ACVR1: variants seen among roughly 807,000 people sequenced by gnomAD.
The protein encoded by ACVR1 is activin receptor type-1.
Under a neutral mutation model 57.1 loss-of-function variants are expected in ACVR1, and 38 were observed. The observed-to-expected ratio is 0.67, with a 90% CI of 0.51 to 0.87. The LOEUF (loss-of-function observed/expected upper bound fraction) is 0.87, where lower values mean the gene tolerates loss of function less well. Ranked by LOEUF, ACVR1 falls within the 40% of genes least tolerant of loss-of-function variation. The pLI is 0.00. For missense variants in ACVR1, 463 were observed against 638.2 expected (o/e 0.73, Z 2.96); for synonymous variants, 212 against 228.1 (o/e 0.93, Z 0.63).
intron 7 of ACVR1, among the ~76,000 whole-genome samples, chr2:157,769,028 C>G (rs919056074): frequency 3.3e-5 from 5 of 152,106 alleles, no homozygotes; most frequent in African/African-American, 1.2e-4. Flanking sequence ...CAGAAAAGCA[C>G]AATTAATTCC....
intron 1 of ACVR1, chr2:157,838,288 AG>A (rs1443207508): frequency 6.6e-6 from 1 of 152,162 alleles, no homozygotes; most frequent in Non-Finnish European, 1.5e-5. Flanking sequence ...CAAAAAGGCA[AG>A]GTACTTCCCG....
chr2:157,755,786 T>C (rs2105243546), intron 9 of ACVR1, among the ~76,000 whole-genome samples: 1 of 152,026 alleles, frequency 6.6e-6, no homozygotes, highest in Non-Finnish European at 1.5e-5. Context: ...AATACCACCG[T>C]CATTCTTCAC....
intron 1 of ACVR1, among the ~76,000 whole-genome samples, chr2:157,843,783 T>C (rs910445499): frequency 1.3e-5 from 2 of 152,156 alleles, no homozygotes. Context: ...TTAGGATTCA[T>C]GGATATAGTA....
chr2:157,794,649 C>T (rs999556120), intron 3 of ACVR1, among the ~76,000 whole-genome samples: 1 of 152,068 alleles, frequency 6.6e-6, no homozygotes, highest in African/African-American at 2.4e-5. Flanking sequence ...AAAGCACATC[C>T]AAAAACAATG....
chr2:157,761,268 T>C (rs2105252989), intron 8 of ACVR1, among the ~76,000 whole-genome samples, 191 bp from the exon 9 acceptor site: 1 of 152,268 alleles, frequency 6.6e-6, no homozygotes, highest in East Asian at 1.9e-4. Context: ...AGGGACTAAA[T>C]GTCAGAAACA....
rs575671954 is a variant in ACVR1 at position 157,796,502 on chromosome 2, T to C, written c.67+2925A>G. On this transcript the variant is annotated intron_variant, in intron 3 of 10. Transcript: ENST00000434821. ...CTGGGAGGAGAAGGTTGCAGTGAGC[T>C]GATATCACACCATTGCACCCCAACC... Among the ~76,000 whole-genome samples the C allele has an allele frequency of 7.2e-5, 11 of 152,194 alleles. No homozygotes were observed. In the South Asian group the frequency reaches 2.1e-3, roughly 29 times the overall value.
At chr2:157,775,966 T>G (rs1686268548) in intron 5 of ACVR1, among the ~76,000 whole-genome samples, 1 of 152,186 alleles carries the variant, frequency 6.6e-6, no homozygotes, top group African/African-American at 2.4e-5. Context: ...TCAAGTGATC[T>G]TCCCCCTTGG....
chr2:157,814,953 C>T lies in ACVR1; in HGVS notation c.-8+3432G>A, dbSNP rs1351093892. Among the ~76,000 whole-genome samples the T allele has an allele frequency of 5.9e-5, 9 of 152,018 alleles. No individual in the cohort carries two copies. The East Asian group carries it at 9.6e-4, about 16-fold the overall frequency. On this transcript the variant is annotated intron_variant, in intron 2 of 10. Coordinates refer to ENST00000434821, the MANE Select transcript of ACVR1 (RefSeq NM_001111067.4). ...ACAAAAAATTAGCAGGGCGTGGTGG[C>T]GGGCACCTGTAGGTAGTCCCAGCTA... is the stretch of plus-strand genomic sequence containing the variant.
At chr2:157,792,913 G>A (rs1686974623) in intron 3 of ACVR1, among the ~76,000 whole-genome samples, 1 of 152,150 alleles carries the variant, frequency 6.6e-6, no homozygotes, top group Admixed American at 6.5e-5. Flanking sequence ...AATGACATGA[G>A]TTCTGAGTCA....
At chr2:157,873,394 C>T (rs1304280747) in intron 1 of ACVR1, among the ~76,000 whole-genome samples, 4 of 152,230 alleles carry the variant, frequency 2.6e-5, no homozygotes, top group Non-Finnish European at 5.9e-5. Context: ...ATATCCAGCA[C>T]CCCTAAACTA....
chr2:157,783,752 A>G (rs1324704451), intron 3 of ACVR1, among the ~76,000 whole-genome samples: 1 of 152,240 alleles, frequency 6.6e-6, no homozygotes, highest in Non-Finnish European at 1.5e-5. Context: ...AACCTTCACT[A>G]ACTTCTCTTT....
intron 1 of ACVR1, among the ~76,000 whole-genome samples, chr2:157,858,954 T>C (rs1020581640): frequency 3.9e-5 from 6 of 152,188 alleles, no homozygotes; most frequent in East Asian, 3.9e-4. Context: ...ACAGCTCTAC[T>C]TGGACATCCC....
chr2:157,738,773 T>G (rs1423088172), intron 9 of ACVR1, among the ~76,000 whole-genome samples: 2 of 152,212 alleles, frequency 1.3e-5, no homozygotes, highest in African/African-American at 4.8e-5. Context: ...CTGCATGGTA[T>G]TGGAAGAAGG....
At chr2:157,774,470 T>C (rs962049022) in intron 5 of ACVR1, among the ~76,000 whole-genome samples, 5 of 152,194 alleles carry the variant, frequency 3.3e-5, no homozygotes, top group African/African-American at 1.2e-4. Context: ...GTTCAAGTGA[T>C]TCTCCTGCCT....
chr2:157,776,848 A>T (rs993416296), intron 5 of ACVR1, among the ~76,000 whole-genome samples: 1 of 152,262 alleles, frequency 6.6e-6, no homozygotes, highest in Non-Finnish European at 1.5e-5. Flanking sequence ...TAGCAGAACA[A>T]GACTTACTGC....
chr2:157,858,079 C>T (rs145174998), intron 1 of ACVR1, among the ~76,000 whole-genome samples: 23 of 152,234 alleles, frequency 1.5e-4, no homozygotes, highest in Admixed American at 6.5e-4. Context: ...TCTCCTCCCT[C>T]TCAACCCACT....
At chr2:157,829,847 T>C (rs1688520434) in intron 1 of ACVR1, among the ~76,000 whole-genome samples, 1 of 152,210 alleles carries the variant, frequency 6.6e-6, no homozygotes, top group African/African-American at 2.4e-5. Flanking sequence ...ATTTTACTAT[T>C]TCCCTGGTGA....
chr2:157,743,412 C>T (rs1684851315), intron 9 of ACVR1, among the ~76,000 whole-genome samples: 1 of 151,994 alleles, frequency 6.6e-6, no homozygotes. Flanking sequence ...AATGTGAGCA[C>T]CTTTAAATCG....
intron 1 of ACVR1, among the ~76,000 whole-genome samples, chr2:157,839,882 AC>A (rs2105353984): frequency 6.6e-6 from 1 of 151,554 alleles, no homozygotes; most frequent in African/African-American, 2.4e-5. Flanking sequence ...TTCTGCAGAA[AC>A]TCTATGCTTC....
Sources: gnomAD v4.1 joint callset for allele counts (sites outside exome capture counted in the v4.1 genomes callset) on GRCh38, gnomAD v4.1.1 for gene constraint, MANE v1.5 for transcripts, NCBI Gene and HGNC (gene_info 2026-07-23, HGNC 2026-07-21) for gene names.